Variants in CADPS2 observed in about 807,000 individuals in gnomAD.
CADPS2 encodes calcium dependent secretion activator 2, also known as calcium-dependent secretion activator 2.
In CADPS2, 93 loss-of-function variants were observed where a neutral mutation model predicts 172.5. The ratio of observed to expected loss-of-function variants is 0.54; its 90% CI spans 0.46 to 0.64. The LOEUF (loss-of-function observed/expected upper bound fraction) is 0.64. Ranked by LOEUF, CADPS2 falls within the 30% of genes least tolerant of loss-of-function variation. CADPS2 has a pLI of 0.00. For missense variants in CADPS2, 1,420 were observed against 1,565.9 expected (o/e 0.91, Z 1.57); for synonymous variants, 546 against 555.2 (o/e 0.98, Z 0.23).
At chr7:122,815,214 G>T (rs1220434944) in intron 1 of CADPS2, among the ~76,000 whole-genome samples, 1 of 152,104 alleles carries the variant, frequency 6.6e-6, no homozygotes, top group African/African-American at 2.4e-5. Flanking sequence ...ATAATGTAAG[G>T]TTTGTTTCCT....
At chr7:122,858,532 A>G (rs1393955360) in intron 1 of CADPS2, among the ~76,000 whole-genome samples, 1 of 152,236 alleles carries the variant, frequency 6.6e-6, no homozygotes, top group Non-Finnish European at 1.5e-5. Context: ...ATACAGAAAT[A>G]GAAAAAGATA....
Position 122,823,907 on chromosome 7 carries a change from A to T in CADPS2, c.339+62092T>A, listed in dbSNP as rs191790913. Reference sequence around the variant, plus strand: ...GCAGGAGGGTGTTCCTTGTTTTTTTAAAAAAAAGCTCACTGGGAGTTCTAC... The same window carrying T: ...GCAGGAGGGTGTTCCTTGTTTTTTTTAAAAAAAGCTCACTGGGAGTTCTAC... On this transcript the variant is annotated intron_variant, in intron 1 of 29. Coordinates refer to ENST00000449022, the MANE Select transcript of CADPS2 (RefSeq NM_017954.11). 2.8e-3 allele frequency among the ~76,000 whole-genome samples: 423 copies of T among 151,760 alleles called. 2 individuals carry two copies. The highest frequency in any genetic ancestry group is 9.4e-3 in the African/African-American group (388 of 41,382).
chr7:122,625,056 T>A (rs12537637), intron 4 of CADPS2, among the ~76,000 whole-genome samples: 26,944 of 140,382 alleles, frequency 0.19, 2,519 homozygotes, highest in Admixed American at 0.28. Context: ...ATTAATTATT[T>A]TTTTTTTTTT....
At chr7:122,513,343 T>C (rs1296865686) in intron 8 of CADPS2, 28 bp from the exon 9 acceptor site, 2 of 1,470,728 alleles carry the variant, frequency 1.4e-6, no homozygotes, top group East Asian at 2.5e-5. Flanking sequence ...AGCCAAAGAA[T>C]ACTTCAGATG....
intron 2 of CADPS2, among the ~76,000 whole-genome samples, chr7:122,695,219 G>A (rs543279244): frequency 1.5e-4 from 23 of 152,298 alleles, no homozygotes; most frequent in African/African-American, 5.1e-4. Flanking sequence ...GTTGAAATGC[G>A]TTAGAATATT....
intron 3 of CADPS2, among the ~76,000 whole-genome samples, chr7:122,632,316 C>T (rs1449578670): frequency 1.3e-5 from 2 of 152,158 alleles, no homozygotes; most frequent in East Asian, 3.9e-4. Context: ...ATTTGGATTA[C>T]CACCCACAGA....
intron 14 of CADPS2, among the ~76,000 whole-genome samples, chr7:122,469,445 G>A (rs1247418504): frequency 6.6e-6 from 1 of 152,116 alleles, no homozygotes; most frequent in Admixed American, 6.5e-5. Context: ...ACAGAGTCAG[G>A]AGACGAGACA....
At chr7:122,327,587 A>G (rs2034124950) in intron 28 of CADPS2, among the ~76,000 whole-genome samples, 1 of 152,080 alleles carries the variant, frequency 6.6e-6, no homozygotes. Context: ...ATTACTCTAT[A>G]TGCATCTTTA....
chr7:122,649,976 C>G (rs1248066535), intron 3 of CADPS2, among the ~76,000 whole-genome samples: 8 of 117,450 alleles, frequency 6.8e-5, no homozygotes, highest in East Asian at 6.0e-4. Context: ...GTGGTGTGAT[C>G]TCGGCTCACT....
chr7:122,545,278 T>C (rs1170498772), intron 8 of CADPS2, among the ~76,000 whole-genome samples: 3 of 152,106 alleles, frequency 2.0e-5, no homozygotes, highest in Non-Finnish European at 4.4e-5. Context: ...TGAGGAAACA[T>C]TAGTTACACA....
chr7:122,658,185 A>G (rs1442789752), intron 3 of CADPS2, among the ~76,000 whole-genome samples: 4 of 152,138 alleles, frequency 2.6e-5, no homozygotes, highest in Non-Finnish European at 5.9e-5. Flanking sequence ...CAAAACCACA[A>G]TGAGATACCA....
chr7:122,502,650 C>A (rs981015136), intron 9 of CADPS2, among the ~76,000 whole-genome samples: 24 of 151,984 alleles, frequency 1.6e-4, no homozygotes, highest in Non-Finnish European at 1.3e-4. Flanking sequence ...AATTATATTT[C>A]TATAACCTAT....
chr7:122,442,440 A>G (rs1028300493), intron 15 of CADPS2, among the ~76,000 whole-genome samples: 16 of 152,210 alleles, frequency 1.1e-4, no homozygotes, highest in Admixed American at 9.8e-4. Flanking sequence ...GGCTGTACTT[A>G]GGATGGCACC....
intron 2 of CADPS2, among the ~76,000 whole-genome samples, chr7:122,688,336 C>T (rs927346383): frequency 2.0e-5 from 3 of 152,200 alleles, no homozygotes; most frequent in African/African-American, 4.8e-5. Flanking sequence ...AATTCACTTG[C>T]CACTGCCTTC....
intron 8 of CADPS2, among the ~76,000 whole-genome samples, chr7:122,537,593 T>G (rs2062442326): frequency 6.6e-6 from 1 of 151,696 alleles, no homozygotes; most frequent in Non-Finnish European, 1.5e-5. Context: ...TATTAAAAAC[T>G]CAAGGCTATT....
chr7:122,514,496 G>C (rs1317413651), intron 8 of CADPS2, among the ~76,000 whole-genome samples: 1 of 151,720 alleles, frequency 6.6e-6, no homozygotes, highest in Non-Finnish European at 1.5e-5. Context: ...CCCCCCTTTA[G>C]AAACAGTGAC....
chr7:122,870,409 A>G (rs1338405505), intron 1 of CADPS2, among the ~76,000 whole-genome samples: 2 of 152,054 alleles, frequency 1.3e-5, no homozygotes, highest in Non-Finnish European at 1.5e-5. Flanking sequence ...AAGTTATAAT[A>G]ATTGTAAATA....
chr7:122,674,649 G>A (rs981440461), intron 2 of CADPS2, among the ~76,000 whole-genome samples: 8 of 152,194 alleles, frequency 5.3e-5, no homozygotes, highest in African/African-American at 1.9e-4. Context: ...AGCCCTTATT[G>A]TTCACACATT....
chr7:122,401,004 G>GT (rs1299381552), intron 20 of CADPS2, among the ~76,000 whole-genome samples: 1 of 152,160 alleles, frequency 6.6e-6, no homozygotes, highest in South Asian at 2.1e-4. Flanking sequence ...TTCTTAATGA[G>GT]TTTTTTGATA....
Sources: allele counts gnomAD v4.1 joint callset (sites outside exome capture counted in the v4.1 genomes callset), GRCh38; gene constraint gnomAD v4.1.1; transcripts MANE v1.5; gene names NCBI Gene and HGNC (gene_info 2026-07-23, HGNC 2026-07-21).